Variants in RIN3 observed in about 807,000 individuals in gnomAD.
The protein encoded by RIN3 is RAB5 interacting protein 3.
A neutral mutation model predicts 76.3 loss-of-function variants in RIN3; 54 were observed. That is an observed-to-expected ratio of 0.71 (90% CI 0.57 to 0.89). The LOEUF is 0.89. RIN3 is among the 40% of genes least tolerant of loss of function. RIN3 has a pLI of 0.00. For synonymous variants in RIN3, 576 were observed against 564.0 expected, an observed-to-expected ratio of 1.02 and a Z score of -0.30; for missense variants, 1,256 against 1,322.1, an observed-to-expected ratio of 0.95 and a Z score of 0.78.
intron 2 of RIN3, among the ~76,000 whole-genome samples, chr14:92,571,548 ACACT>A (rs1898061729): frequency 6.6e-6 from 1 of 152,092 alleles, no homozygotes; most frequent in African/African-American, 2.4e-5. Context: ...TCACACACAC[ACACT>A]CACTCACAAT....
At chr14:92,608,442 G>T (rs1235633295) in intron 3 of RIN3, among the ~76,000 whole-genome samples, 2 of 152,190 alleles carry the variant, frequency 1.3e-5, no homozygotes, top group East Asian at 1.9e-4. Context: ...TATGCTGGGG[G>T]TTCTGTGCAA....
At chr14:92,629,146 AGAGAGAGATTGATT>A (rs1159100466) in intron 4 of RIN3, among the ~76,000 whole-genome samples, 4 of 135,504 alleles carry the variant, frequency 3.0e-5, no homozygotes, top group African/African-American at 1.1e-4. Flanking sequence ...AGAGAGAGAG[AGAGAGAGATTGATT>A]GATTGATTGA....
chr14:92,572,867 C>CT (rs1421261262), intron 2 of RIN3, among the ~76,000 whole-genome samples: 17 of 101,276 alleles, frequency 1.7e-4, no homozygotes, highest in African/African-American at 4.8e-4. Context: ...AAGGGTGACT[C>CT]TTTTTTTTGC....
At chr14:92,612,514 T>C (rs1049874169) in intron 3 of RIN3, among the ~76,000 whole-genome samples, 1 of 152,212 alleles carries the variant, frequency 6.6e-6, no homozygotes, top group African/African-American at 2.4e-5. Context: ...CTGTGGCCTT[T>C]ACCCCTCTAG....
At chr14:92,621,887 G>T (rs2140110359) in intron 4 of RIN3, among the ~76,000 whole-genome samples, 1 of 152,246 alleles carries the variant, frequency 6.6e-6, no homozygotes, top group African/African-American at 2.4e-5. Context: ...AGCAATACAA[G>T]CTTACTGGTT....
chr14:92,650,423 G>A (rs1411444225), intron 5 of RIN3, among the ~76,000 whole-genome samples: 1 of 152,208 alleles, frequency 6.6e-6, no homozygotes, highest in Non-Finnish European at 1.5e-5. Flanking sequence ...GTGGGCTCAC[G>A]CGCAGCAAGA....
intron 1 of RIN3, among the ~76,000 whole-genome samples, chr14:92,535,547 G>A (rs1004464190): frequency 3.3e-5 from 5 of 151,756 alleles, no homozygotes; most frequent in Non-Finnish European, 5.9e-5. Flanking sequence ...GTGCACGCAC[G>A]TGCATACTGT....
In RIN3 at chr14:92,659,305, C is replaced by T. The variant is rs1161178357; in HGVS notation, c.2171C>T (p.Thr724Ile). The change falls in exon 7 of 10, where the codon ACC (threonine) becomes ATC (isoleucine). Residue 724 changes from threonine to isoleucine, a missense_variant. Transcript: ENST00000216487. ...CAGTTAGTGATCCTGGCCACCACCA[C>T]CACTGACCTAGGTGTGACCACCAGC... ...ENQLVILATT[T>I]TDLGVTTSVP... The T allele has an allele frequency of 6.2e-7, 1 of 1,613,558 alleles. No individual in the cohort carries two copies. Among genetic ancestry groups the T allele is most frequent in the East Asian group, 2.2e-5 (1 of 44,886 alleles).
chr14:92,513,891 C>T lies in RIN3; in HGVS notation c.-42C>T, dbSNP rs1407661038. ...GGACTCCGCGTTCCGCGCGGCCCGG[C>T]GCCTGAGCGCCTCCGTTCCCCGTCC... is the stretch of plus-strand genomic sequence containing the variant. On this transcript the variant is annotated 5_prime_UTR_variant, in exon 1 of 10. Coordinates refer to ENST00000216487, the MANE Select transcript of RIN3 (RefSeq NM_024832.5). The T allele has an allele frequency of 3.2e-6, 4 of 1,248,454 alleles. No individual in the cohort carries two copies. Among genetic ancestry groups the T allele is most frequent in the Non-Finnish European group, 3.0e-6 (3 of 995,242 alleles). 77.3% of individuals were successfully genotyped at this position (1,248,454 alleles called of 1,614,324 possible). A position where few individuals can be genotyped will look rare whatever the true frequency, so the allele number is the denominator to read the frequency against.
chr14:92,517,210 G>C (rs929177469), intron 1 of RIN3, among the ~76,000 whole-genome samples: 12 of 152,200 alleles, frequency 7.9e-5, no homozygotes, highest in African/African-American at 2.9e-4. Flanking sequence ...GCAAAGGTTC[G>C]GGAGGTGGGA....
At chr14:92,679,381 G>A (rs980548335) in intron 8 of RIN3, among the ~76,000 whole-genome samples, 4 of 152,252 alleles carry the variant, frequency 2.6e-5, no homozygotes, top group Non-Finnish European at 4.4e-5. Flanking sequence ...AGCAAGGGGG[G>A]TGGGTGGCAC....
chr14:92,565,118 T>G (rs1897884127), intron 2 of RIN3, among the ~76,000 whole-genome samples: 1 of 152,210 alleles, frequency 6.6e-6, no homozygotes, highest in Non-Finnish European at 1.5e-5. Flanking sequence ...GCTCATCTGC[T>G]CTGCCTGGCT....
chr14:92,545,786 AT>A (rs1897248144), intron 1 of RIN3, among the ~76,000 whole-genome samples: 1 of 151,844 alleles, frequency 6.6e-6, no homozygotes, highest in South Asian at 2.1e-4. Context: ...AGTTGCAGAC[AT>A]TTTATCTCTT....
intron 3 of RIN3, among the ~76,000 whole-genome samples, chr14:92,603,745 C>T (rs895326223): frequency 1.3e-5 from 2 of 152,174 alleles, no homozygotes; most frequent in Non-Finnish European, 2.9e-5. Context: ...TCTGCTGGTA[C>T]CAGCAGTGCT....
In RIN3 at chr14:92,659,162, A is replaced by C; in HGVS notation, c.2028A>C (p.Glu676Asp). The C allele has an allele frequency of 6.2e-7, 1 of 1,613,886 alleles. No individual in the cohort carries two copies. The highest frequency in any genetic ancestry group is 8.5e-7 in the Non-Finnish European group (1 of 1,179,916). ...DPALHSEEEL[E>D]AIVESALYKC... Reference sequence around the variant, plus strand: ...CCTCGCTCTCTTGTTTACCTGCAGAAGCAATTGTAGAGTCTGCCTTGTACA... The same window carrying C: ...CCTCGCTCTCTTGTTTACCTGCAGACGCAATTGTAGAGTCTGCCTTGTACA... Residue 676 changes from glutamate (E) to aspartate (D), a missense_variant and splice_region_variant, in exon 7 of 10, where the codon GAA becomes GAC. Around this residue, in one of 3 missense-constraint regions of RIN3, gnomAD observed 428 missense variants for 521.2 expected, o/e 0.82. Transcript: ENST00000216487.
intron 1 of RIN3, among the ~76,000 whole-genome samples, chr14:92,520,865 G>A (rs955721961): frequency 3.3e-5 from 5 of 152,324 alleles, no homozygotes; most frequent in African/African-American, 1.2e-4. Context: ...CTCAGTCAAT[G>A]TCAGAGATTG....
chr14:92,649,562 C>T (rs1458986989), intron 5 of RIN3, among the ~76,000 whole-genome samples: 1 of 152,038 alleles, frequency 6.6e-6, no homozygotes, highest in African/African-American at 2.4e-5. Context: ...GTGCTTCAAA[C>T]ACTCACTGCA....
chr14:92,513,860 C>G lies in RIN3; in HGVS notation c.-73C>G. On this transcript the variant is annotated 5_prime_UTR_variant, in exon 1 of 10. Transcript: ENST00000216487. ...AGGGCCAGAGCCAGGGACATGCGGG[C>G]GCCCGGGACTCCGCGTTCCGCGCGG... is the stretch of plus-strand genomic sequence containing the variant. 8.9e-7 allele frequency: 1 copy of G among 1,127,392 alleles called. No homozygotes were observed. Among genetic ancestry groups the G allele is most frequent in the Middle Eastern group, 3.4e-4 (1 of 2,954 alleles). 69.8% of individuals were successfully genotyped at this position (1,127,392 alleles called of 1,614,324 possible). A position where few individuals can be genotyped will look rare whatever the true frequency, so the allele number is the denominator to read the frequency against.
Position 92,615,394 on chromosome 14 carries a change from T to C in RIN3, c.368-13T>C, listed in dbSNP as rs376320506. The C allele has an allele frequency of 1.6e-5, 26 of 1,613,226 alleles. No homozygotes were observed. The African/African-American group carries it at 3.3e-4, about 21-fold the overall frequency. On this transcript the variant is annotated splice_polypyrimidine_tract_variant and intron_variant, in intron 3 of 9. Transcript: ENST00000216487. ...TACTCACCTCACCCAGGGCCCTTCT[T>C]GTGTCTCCCCAGTATTGTACCTGGA...
Sources: allele counts gnomAD v4.1 joint callset (sites outside exome capture counted in the v4.1 genomes callset), GRCh38; gene constraint gnomAD v4.1.1; regional missense constraint gnomAD v4.1.1; transcripts MANE v1.5; gene names NCBI Gene and HGNC (gene_info 2026-07-23, HGNC 2026-07-21).